Variants in UTS2B observed in about 807,000 individuals in gnomAD.
The protein encoded by UTS2B is urotensin 2B, also known as urotensin-2B.
Under a neutral mutation model 19.2 loss-of-function variants are expected in UTS2B, and 21 were observed. The ratio of observed to expected loss-of-function variants is 1.09; its 90% CI spans 0.78 to 1.58. The LOEUF is 1.58. Ranked by LOEUF, UTS2B falls within the 40% of genes most tolerant of loss-of-function variation. UTS2B has a pLI of 0.00. For missense variants in UTS2B, 138 were observed against 130.3 expected, an observed-to-expected ratio of 1.06 and a Z score of -0.29; for synonymous variants, 57 against 50.2, an observed-to-expected ratio of 1.14 and a Z score of -0.58.
chr3:191,340,217 A>G, the UTS2B span, among the ~76,000 whole-genome samples: 1 of 152,232 alleles, frequency 6.6e-6, no homozygotes, highest in Non-Finnish European at 1.5e-5. Flanking sequence ...CATTCACTTG[A>G]CAAGCTGCTG....
chr3:191,320,254 A>G (rs1717579096), intron 2 of UTS2B, among the ~76,000 whole-genome samples: 1 of 152,222 alleles, frequency 6.6e-6, no homozygotes, highest in Non-Finnish European at 1.5e-5. Context: ...ATAAAATTGG[A>G]GGAGTAAATC....
At chr3:191,297,648 G>A (rs987215143) in intron 4 of UTS2B, among the ~76,000 whole-genome samples, 1 of 152,196 alleles carries the variant, frequency 6.6e-6, no homozygotes, top group East Asian at 1.9e-4. Flanking sequence ...CTGAGGACAA[G>A]GATAGTAATG....
At chr3:191,313,870 A>G (rs1717373728) in intron 3 of UTS2B, among the ~76,000 whole-genome samples, 1 of 151,546 alleles carries the variant, frequency 6.6e-6, no homozygotes, top group Non-Finnish European at 1.5e-5. Context: ...AGCTGAGCTC[A>G]CTGGCGCCTG....
At chr3:191,309,921 C>A (rs1717246518) in intron 3 of UTS2B, among the ~76,000 whole-genome samples, 1 of 151,972 alleles carries the variant, frequency 6.6e-6, no homozygotes. Flanking sequence ...ATAAAATTAT[C>A]CAGTCTTGAG....
chr3:191,343,748 A>G, the UTS2B span, among the ~76,000 whole-genome samples: 3 of 152,206 alleles, frequency 2.0e-5, no homozygotes, highest in East Asian at 5.8e-4. Context: ...AAATGTTCAC[A>G]TTTGTTAATC....
At chr3:191,323,049 A>G (rs187298419) in intron 2 of UTS2B, among the ~76,000 whole-genome samples, 4 of 152,340 alleles carry the variant, frequency 2.6e-5, no homozygotes, top group African/African-American at 7.2e-5. Flanking sequence ...CCAGAGTCCA[A>G]ATGAAGATGT....
intron 4 of UTS2B, among the ~76,000 whole-genome samples, chr3:191,292,370 T>C (rs1262125953): frequency 2.0e-5 from 3 of 152,212 alleles, no homozygotes; most frequent in Non-Finnish European, 4.4e-5. Flanking sequence ...CTATTTCAAG[T>C]GGAATTACTT....
chr3:191,341,165 A>G, the UTS2B span, among the ~76,000 whole-genome samples: 1 of 152,174 alleles, frequency 6.6e-6, no homozygotes, highest in Non-Finnish European at 1.5e-5. Context: ...ACAAGTGACT[A>G]GATCTATGTT....
At chr3:191,309,542 A>C (rs1717233150) in intron 3 of UTS2B, among the ~76,000 whole-genome samples, 1 of 152,120 alleles carries the variant, frequency 6.6e-6, no homozygotes, top group African/African-American at 2.4e-5. Flanking sequence ...CAGCCTTGGA[A>C]GACTGATATG....
chr3:191,330,774 C>T (rs1717954024), upstream of UTS2B, among the ~76,000 whole-genome samples: 1 of 152,080 alleles, frequency 6.6e-6, no homozygotes, highest in African/African-American at 2.4e-5. Flanking sequence ...GTGCTCAGGC[C>T]AGCCCAAAAA....
At chr3:191,317,752 G>A (rs1230023088) in intron 2 of UTS2B, among the ~76,000 whole-genome samples, 1 of 152,016 alleles carries the variant, frequency 6.6e-6, no homozygotes, top group Admixed American at 6.6e-5. Context: ...CTAATTTTTT[G>A]TATTTTTAGT....
intron 3 of UTS2B, among the ~76,000 whole-genome samples, chr3:191,311,541 G>C (rs1203111490): frequency 6.6e-6 from 1 of 152,108 alleles, no homozygotes; most frequent in African/African-American, 2.4e-5. Context: ...ATTTCTGCAC[G>C]CTAACTCTGC....
At chr3:191,324,955 C>T (rs1285525362) in intron 2 of UTS2B, among the ~76,000 whole-genome samples, 1 of 152,106 alleles carries the variant, frequency 6.6e-6, no homozygotes, top group Non-Finnish European at 1.5e-5. Flanking sequence ...GAGGCTGAGG[C>T]ATGAGAATCG....
chr3:191,277,594 G>A (rs1055361451), intron 6 of UTS2B: 4 of 152,182 alleles, frequency 2.6e-5, no homozygotes, highest in Admixed American at 2.0e-4. Context: ...TTCAATTGGT[G>A]TAGCCTAAAT....
rs1717868838 is a variant in UTS2B at position 191,329,517 on chromosome 3, GC to G, written c.-664-809del. 6.4e-6 allele frequency: 4 copies of G among 628,054 alleles called. No homozygotes were observed. The Admixed American group carries it at 1.3e-4, about 20-fold the overall frequency. The allele number at this position is 628,054 out of a possible 1,614,324, so 38.9% of individuals were successfully genotyped here. Reference sequence around the variant, plus strand: ...CCGTCTCCCGCTGCTTTGGTCACCAGCCCCTGCCCGCCCGACCCGCTCCGTT... The same window carrying G: ...CCGTCTCCCGCTGCTTTGGTCACCAGCCCTGCCCGCCCGACCCGCTCCGTT... On this transcript the variant is annotated intron_variant, in intron 1 of 8. Coordinates refer to ENST00000340524, the MANE Select transcript of UTS2B (RefSeq NM_198152.5).
chr3:191,319,631 G>A (rs968375736), intron 2 of UTS2B, among the ~76,000 whole-genome samples: 4 of 151,668 alleles, frequency 2.6e-5, no homozygotes, highest in Admixed American at 2.0e-4. Context: ...AGGCTGAGAC[G>A]GGTGGATCAC....
rs752395586 is a variant in UTS2B, at chr3:191,282,192, T to TA, written c.-4dup. 459 of 1,597,644 alleles carry TA rather than the reference T, an allele frequency of 2.9e-4. No individual in the cohort carries two copies. Among genetic ancestry groups the TA allele is most frequent in the Middle Eastern group, 1.2e-3 (7 of 6,024 alleles). ...GTGCTTGAGAGGATCTTGTTCATGT[T>TA]AAAAAAAACCTTCTGGACTAGCAAA... On this transcript the variant is annotated 5_prime_UTR_variant, in exon 5 of 9. Transcript: ENST00000340524.
chr3:191,312,124 C>T lies in UTS2B; in HGVS notation c.-182+3912G>A, dbSNP rs971172626. ...CCGAGGTTGCGCCACTGCACTCCAG[C>T]GTGGGTGACAGAGCAAGATTCTGTC... is the stretch of plus-strand genomic sequence containing the variant. On this transcript the variant is annotated intron_variant, in intron 3 of 8. Coordinates refer to ENST00000340524, the MANE Select transcript of UTS2B (RefSeq NM_198152.5). 2.7e-5 allele frequency among the ~76,000 whole-genome samples: 4 copies of T among 147,256 alleles called. No individual in the cohort carries two copies. In the East Asian group the frequency reaches 8.0e-4, roughly 29 times the overall value.
At chr3:191,333,326 GTTAAA>G (rs749797111), upstream of UTS2B, among the ~76,000 whole-genome samples, 12 of 152,310 alleles carry the variant, frequency 7.9e-5, no homozygotes, top group East Asian at 3.9e-4. Context: ...GGCATAATGT[GTTAAA>G]TTAAGTTAAT....
Sources: allele counts gnomAD v4.1 joint callset (sites outside exome capture counted in the v4.1 genomes callset), GRCh38; gene constraint gnomAD v4.1.1; transcripts MANE v1.5; gene names NCBI Gene and HGNC (gene_info 2026-07-23, HGNC 2026-07-21).